PUM1: variants seen among roughly 807,000 people sequenced by gnomAD.
PUM1 encodes pumilio RNA binding family member 1, also known as pumilio homolog 1.
Under a neutral mutation model 131.8 loss-of-function variants are expected in PUM1, and 13 were observed. The observed-to-expected ratio is 0.10, with a 90% confidence interval of 0.06 to 0.16. The LOEUF (loss-of-function observed/expected upper bound fraction) is 0.16. Among genes scored for constraint, PUM1 ranks in the 10% least tolerant of loss-of-function variants. The pLI is 1.00. For synonymous variants in PUM1, 509 were observed against 556.5 expected, an observed-to-expected ratio of 0.91 and a Z score of 1.20; for missense variants, 961 against 1,512.4, an observed-to-expected ratio of 0.64 and a Z score of 6.05.
intron 1 of PUM1, among the ~76,000 whole-genome samples, chr1:31,061,006 C>G (rs2124019016): frequency 6.6e-6 from 1 of 152,220 alleles, no homozygotes; most frequent in African/African-American, 2.4e-5. Flanking sequence ...TGCTTTTAGC[C>G]TAAGCCCTCT....
In PUM1 at chr1:30,964,587, G is replaced by A. The variant is rs1640548314; in HGVS notation, c.2323+87C>T. 5 of 1,177,996 alleles carry A rather than the reference G, an allele frequency of 4.2e-6. No homozygotes were observed. The South Asian group carries it at 5.3e-5, about 12-fold the overall frequency. 73.0% of individuals were successfully genotyped at this position (1,177,996 alleles called of 1,614,324 possible). A position where few individuals can be genotyped will look rare whatever the true frequency, so the allele number is the denominator to read the frequency against. On this transcript the variant is annotated intron_variant, in intron 14 of 21. Transcript: ENST00000426105. The stretch of plus-strand genomic sequence containing the variant: ...AGGACACTTCTAGTATAAAGGGACT[G>A]TCCTTTGCTTATGCAAAGTTCTTGT...
chr1:30,935,458 C>T (rs1242814922), intron 21 of PUM1, among the ~76,000 whole-genome samples: 1 of 152,202 alleles, frequency 6.6e-6, no homozygotes, highest in African/African-American at 2.4e-5. Context: ...CCAATACAAC[C>T]CTGCTGAGAA....
At chr1:30,952,709 T>A (rs1320433652) in intron 15 of PUM1, among the ~76,000 whole-genome samples, 3 of 74,408 alleles carry the variant, frequency 4.0e-5, no homozygotes, top group Admixed American at 1.8e-4. Context: ...GGGGCAGGGG[T>A]GCAGGAAGAG....
chr1:31,004,491 G>A (rs1234551617), intron 5 of PUM1, among the ~76,000 whole-genome samples: 8 of 152,166 alleles, frequency 5.3e-5, no homozygotes, highest in Non-Finnish European at 1.2e-4. Context: ...GGGATAGGGT[G>A]AAGAAAGAGA....
intron 8 of PUM1, 22 bp downstream of exon 8, chr1:30,981,290 A>AGCT (rs771409108): frequency 6.8e-7 from 1 of 1,477,306 alleles, no homozygotes; most frequent in Non-Finnish European, 9.3e-7. Flanking sequence ...ATCATGAAAG[A>AGCT]GCTATGGGCT....
At chr1:31,028,206 C>T (rs542147588) in intron 3 of PUM1, among the ~76,000 whole-genome samples, 1 of 152,268 alleles carries the variant, frequency 6.6e-6, no homozygotes, top group East Asian at 1.9e-4. Context: ...AAATTTTAAA[C>T]ATTACAGTCA....
intron 2 of PUM1, among the ~76,000 whole-genome samples, chr1:31,039,936 C>G (rs749381968): frequency 6.6e-6 from 1 of 152,060 alleles, no homozygotes; most frequent in Non-Finnish European, 1.5e-5. Flanking sequence ...TCATGCTGGG[C>G]CCAGTGGCTC....
At chr1:30,934,060 A>G (rs2124371726) in intron 21 of PUM1, among the ~76,000 whole-genome samples, 1 of 152,282 alleles carries the variant, frequency 6.6e-6, no homozygotes, top group African/African-American at 2.4e-5. Context: ...CACGCCCGCC[A>G]CACCAGCCTC....
intron 5 of PUM1, among the ~76,000 whole-genome samples, chr1:31,005,273 A>C (rs1642359528): frequency 6.6e-6 from 1 of 152,240 alleles, no homozygotes; most frequent in South Asian, 2.1e-4. Flanking sequence ...GTCAGTGATA[A>C]TGAATCAAAA....
At chr1:31,019,921 T>A (rs947899294) in intron 3 of PUM1, among the ~76,000 whole-genome samples, 1 of 152,102 alleles carries the variant, frequency 6.6e-6, no homozygotes, top group African/African-American at 2.4e-5. Flanking sequence ...TTTTTTTTTT[T>A]AGATTCAGAG....
At chr1:30,962,359 T>C (rs778491547) in intron 14 of PUM1, among the ~76,000 whole-genome samples, 5 of 152,160 alleles carry the variant, frequency 3.3e-5, no homozygotes, top group Non-Finnish European at 4.4e-5. Flanking sequence ...TGCATGAAAG[T>C]AGTATTTCTG....
intron 11 of PUM1, 123 bp downstream of exon 11, chr1:30,968,231 G>T: frequency 2.2e-6 from 3 of 1,340,674 alleles, no homozygotes; most frequent in Non-Finnish European, 3.2e-6. Flanking sequence ...TATCATCCTT[G>T]CCAGTCCCCA....
chr1:30,938,900 T>TAGACAGAC (rs1314067145), intron 20 of PUM1, among the ~76,000 whole-genome samples: 56 of 139,330 alleles, frequency 4.0e-4, no homozygotes, highest in Admixed American at 4.1e-4. Flanking sequence ...GATAGATAGA[T>TAGACAGAC]AGATAGACAG....
chr1:30,986,083 T>C (rs1223411768), intron 7 of PUM1, among the ~76,000 whole-genome samples: 2 of 152,002 alleles, frequency 1.3e-5, no homozygotes, highest in Admixed American at 1.3e-4. Context: ...GCCTCTGGAG[T>C]AGCTGGGATT....
chr1:30,976,571 A>T (rs1171328266), intron 9 of PUM1, among the ~76,000 whole-genome samples: 2 of 152,178 alleles, frequency 1.3e-5, no homozygotes, highest in African/African-American at 4.8e-5. Flanking sequence ...AAACACAAAT[A>T]AGTCAAATTG....
chr1:30,953,008 A>C (rs895933430), intron 15 of PUM1, among the ~76,000 whole-genome samples: 7 of 147,248 alleles, frequency 4.8e-5, no homozygotes, highest in African/African-American at 7.3e-5. Flanking sequence ...CAAAACAAAA[A>C]AACAAAAACA....
At chr1:30,949,041 C>G (rs781621881) in intron 17 of PUM1, 2 of 458,298 alleles carry the variant, frequency 4.4e-6, no homozygotes, top group Admixed American at 4.6e-5. Flanking sequence ...ACTTCTTCAG[C>G]CTTCAACTGC....
chr1:30,977,672 C>G (rs532059007), intron 9 of PUM1, among the ~76,000 whole-genome samples: 2 of 152,170 alleles, frequency 1.3e-5, no homozygotes. Flanking sequence ...AAAGTATTAA[C>G]TCATTTTCAC....
In PUM1 at chr1:30,968,388, A is replaced by G; in HGVS notation, c.1611T>C (p.Leu537=). Residue 537 remains leucine, a synonymous_variant, in exon 11 of 22, where the codon CTT becomes CTC. Transcript: ENST00000426105. ...LVAAAAVNSA[L]AFGQGLAAGM... ...CTGCTGCCAGACCTTGTCCAAATGC[A>G]AGGGCAGAATTCACTGCTGCAGCTG... 1 of 1,588,922 alleles carries G rather than the reference A, an allele frequency of 6.3e-7. No homozygotes were observed. Among genetic ancestry groups the G allele is most frequent in the Non-Finnish European group, 8.6e-7 (1 of 1,166,820 alleles).
Sources: gnomAD v4.1 joint callset for allele counts (sites outside exome capture counted in the v4.1 genomes callset) on GRCh38, gnomAD v4.1.1 for gene constraint, MANE v1.5 for transcripts, NCBI Gene and HGNC (gene_info 2026-07-23, HGNC 2026-07-21) for gene names.